The following GPATCH8 variants were observed in gnomAD, a reference collection of about 807,000 sequenced individuals.
GPATCH8 encodes the protein G-patch domain containing 8, also known as G patch domain-containing protein 8.
In GPATCH8, 18 loss-of-function variants were observed where a neutral mutation model predicts 118.3. That is an observed-to-expected ratio of 0.15 (90% CI 0.11 to 0.23). GPATCH8 has a LOEUF of 0.23. GPATCH8 is among the 10% of genes least tolerant of loss of function. The probability of loss-of-function intolerance (pLI) is 1.00; values close to 1 mark genes in which losing one functional copy is unlikely to be tolerated. For synonymous variants in GPATCH8, 659 were observed against 684.7 expected (o/e 0.96, Z 0.59); for missense variants, 1,631 against 1,873.8 (o/e 0.87, Z 2.39).
At chr17:44,409,487 C>T (rs1437286397) in intron 6 of GPATCH8, 1 of 152,242 alleles carries the variant, frequency 6.6e-6, no homozygotes, top group Non-Finnish European at 1.5e-5. Flanking sequence ...AAAGAGGTGA[C>T]TGTTCTTTCT....
At chr17:44,455,954 C>T (rs941606335) in intron 3 of GPATCH8, among the ~76,000 whole-genome samples, 1 of 152,108 alleles carries the variant, frequency 6.6e-6, no homozygotes, top group African/African-American at 2.4e-5. Flanking sequence ...GCCATGTTAG[C>T]CAGGCTAGTC....
intron 1 of GPATCH8, among the ~76,000 whole-genome samples, chr17:44,500,820 G>C (rs1325206629): frequency 6.6e-6 from 1 of 152,132 alleles, no homozygotes; most frequent in Non-Finnish European, 1.5e-5. Flanking sequence ...ACCTTAAAAG[G>C]AGGCCACGTT....
intron 6 of GPATCH8, among the ~76,000 whole-genome samples, chr17:44,419,312 CT>C (rs1288170168): frequency 2.0e-5 from 3 of 152,124 alleles, no homozygotes; most frequent in Non-Finnish European, 2.9e-5. Context: ...GTGTGCCTTC[CT>C]GGAAGACAAG....
chr17:44,461,291 C>T (rs1245173006), intron 3 of GPATCH8, among the ~76,000 whole-genome samples: 1 of 152,070 alleles, frequency 6.6e-6, no homozygotes, highest in Admixed American at 6.6e-5. Context: ...AAGTGATCCT[C>T]CCACCTCAGC....
chr17:44,403,003 C>T (rs1429439877), intron 7 of GPATCH8, among the ~76,000 whole-genome samples: 1 of 152,164 alleles, frequency 6.6e-6, no homozygotes, highest in East Asian at 1.9e-4. Context: ...ATTGCAGTCT[C>T]AAACTCCTGG....
intron 3 of GPATCH8, among the ~76,000 whole-genome samples, chr17:44,455,514 T>TA (rs969766306): frequency 2.0e-5 from 3 of 150,992 alleles, no homozygotes; most frequent in Admixed American, 6.6e-5. Context: ...AAAAAAAAAT[T>TA]AAAAAAAATA....
chr17:44,423,108 G>A (rs1279465008), intron 6 of GPATCH8, among the ~76,000 whole-genome samples: 2 of 152,034 alleles, frequency 1.3e-5, no homozygotes, highest in Non-Finnish European at 2.9e-5. Flanking sequence ...GGGCATGGTG[G>A]CAGGCACCTG....
At chr17:44,470,601 A>G (rs1490458864) in intron 2 of GPATCH8, among the ~76,000 whole-genome samples, 1 of 151,574 alleles carries the variant, frequency 6.6e-6, no homozygotes, top group Non-Finnish European at 1.5e-5. Context: ...GGTTCAAGCA[A>G]TCCTCCTGCC....
chr17:44,475,737 G>A (rs767062216), intron 1 of GPATCH8, among the ~76,000 whole-genome samples: 1 of 149,094 alleles, frequency 6.7e-6, no homozygotes, highest in Admixed American at 6.7e-5. Flanking sequence ...TTATAAAAAT[G>A]TATTAGAGCT....
In GPATCH8 at chr17:44,399,264, C is replaced by G; in HGVS notation, c.2813G>C (p.Ser938Thr). 6.2e-7 allele frequency: 1 copy of G among 1,614,058 alleles called. No homozygotes were observed. The highest frequency in any genetic ancestry group is 8.5e-7 in the Non-Finnish European group (1 of 1,179,980). ...YSSSDDDYSL[S>T]CSQSRSRSRS... ...AGATCGGCTTCGGGACTGGCTGCAA[C>G]TGAGGCTATAGTCATCATCAGAAGA... Residue 938 changes from serine (S) to threonine (T), a missense_variant, in exon 8 of 8, where the codon AGT (serine) becomes ACT (threonine). Coordinates refer to ENST00000591680, the MANE Select transcript of GPATCH8 (RefSeq NM_001002909.4).
At chr17:44,468,992 T>C (rs1394472892) in intron 2 of GPATCH8, among the ~76,000 whole-genome samples, 1 of 152,188 alleles carries the variant, frequency 6.6e-6, no homozygotes, top group Non-Finnish European at 1.5e-5. Flanking sequence ...TGTTCTTTGG[T>C]TGGAAATGAA....
intron 5 of GPATCH8, among the ~76,000 whole-genome samples, chr17:44,424,783 C>T (rs1490860299): frequency 3.3e-5 from 5 of 152,170 alleles, no homozygotes; most frequent in East Asian, 1.9e-4. Flanking sequence ...ATCTGAAACA[C>T]CTTTGGTCTC....
chr17:44,473,244 C>T (rs1003809982), intron 2 of GPATCH8: 1 of 151,890 alleles, frequency 6.6e-6, no homozygotes, highest in African/African-American at 2.4e-5. Flanking sequence ...ATGCCATTCT[C>T]CCGCCTCAGC....
At chr17:44,465,670 A>G (rs1197681424) in intron 2 of GPATCH8, 1 of 152,334 alleles carries the variant, frequency 6.6e-6, no homozygotes, top group East Asian at 1.9e-4. Flanking sequence ...GTCACAATAT[A>G]AGTAATGTTA....
chr17:44,494,502 GA>G (rs1231442203), intron 1 of GPATCH8, among the ~76,000 whole-genome samples: 1 of 152,120 alleles, frequency 6.6e-6, no homozygotes, highest in East Asian at 1.9e-4. Context: ...TGAGGCAGGA[GA>G]ATCATTTGAA....
At chr17:44,435,388 G>A (rs1052746861) in intron 4 of GPATCH8, among the ~76,000 whole-genome samples, 6 of 123,740 alleles carry the variant, frequency 4.8e-5, no homozygotes, top group African/African-American at 1.7e-4. Flanking sequence ...TCACTTCAAT[G>A]TTAATTTTCT....
At chr17:44,479,129 C>A (rs750589465) in intron 1 of GPATCH8, among the ~76,000 whole-genome samples, 2 of 152,142 alleles carry the variant, frequency 1.3e-5, no homozygotes, top group Non-Finnish European at 2.9e-5. Flanking sequence ...AGAGAACTAC[C>A]AAGTAAGTCT....
At chr17:44,495,308 T>C (rs1485211191) in intron 1 of GPATCH8, among the ~76,000 whole-genome samples, 1 of 152,124 alleles carries the variant, frequency 6.6e-6, no homozygotes, top group Non-Finnish European at 1.5e-5. Context: ...CATTCTAGCC[T>C]GGGCAACAGA....
chr17:44,429,678 ACAC>A (rs1221061906), intron 5 of GPATCH8, among the ~76,000 whole-genome samples: 6 of 150,968 alleles, frequency 4.0e-5, no homozygotes, highest in African/African-American at 1.5e-4. Context: ...ACACACACAC[ACAC>A]ACACAAAACA....
Sources: gnomAD v4.1 joint callset for allele counts (sites outside exome capture counted in the v4.1 genomes callset) on GRCh38, gnomAD v4.1.1 for gene constraint, MANE v1.5 for transcripts, NCBI Gene and HGNC (gene_info 2026-07-23, HGNC 2026-07-21) for gene names.